Variants in STAG2 observed in about 807,000 individuals in gnomAD.
STAG2 encodes the protein cohesin subunit SA-2.
Under a neutral mutation model 108.1 loss-of-function variants are expected in STAG2, and 14 were observed. That is an observed-to-expected ratio of 0.13 (90% CI 0.09 to 0.20). The LOEUF is 0.20. Ranked by LOEUF, STAG2 falls within the 10% of genes least tolerant of loss-of-function variation. The probability of loss-of-function intolerance (pLI) is 1.00; values close to 1 mark genes in which losing one functional copy is unlikely to be tolerated. For synonymous variants in STAG2, 307 were observed against 302.7 expected, an observed-to-expected ratio of 1.01 and a Z score of -0.15; for missense variants, 440 against 940.9, an observed-to-expected ratio of 0.47 and a Z score of 6.96.
chrX:124,033,275 A>G (rs1466670714), intron 5 of STAG2, among the ~76,000 whole-genome samples: 1 of 112,158 alleles, frequency 8.9e-6, no homozygotes, highest in African/African-American at 3.2e-5. Context: ...TTCTCTCTCT[A>G]GTTCTCCTTT....
rs769758884 is a variant in STAG2 at position 123,971,725 on chromosome X, G to T, written c.-163+9869G>T. On this transcript the variant is annotated intron_variant, in intron 1 of 34. Transcript: ENST00000371145. ...CTCTAAGATAACGACATCTGAGTTTGTTTTCCGTATGTATTATTCAGGTTC... is the reference window on the plus strand; with the variant it reads ...CTCTAAGATAACGACATCTGAGTTTTTTTTCCGTATGTATTATTCAGGTTC... Among the ~76,000 whole-genome samples, 3 of 111,607 alleles carry T rather than the reference G, an allele frequency of 2.7e-5. No individual in the cohort carries two copies. In the South Asian group the frequency reaches 1.1e-3, roughly 41 times the overall value.
At chrX:124,018,449 GA>G (rs1347229959) in intron 1 of STAG2, among the ~76,000 whole-genome samples, 1 of 12,998 alleles carries the variant, frequency 7.7e-5, no homozygotes, top group Non-Finnish European at 1.8e-4. Context: ...AAACACATTG[GA>G]TGGATGGATG....
chrX:123,987,544 G>A (rs911567991), intron 1 of STAG2, among the ~76,000 whole-genome samples: 4 of 111,965 alleles, frequency 3.6e-5, no homozygotes, highest in African/African-American at 1.3e-4. Flanking sequence ...CACCATGCCC[G>A]GCCTTTAAAT....
At chrX:124,049,370 TAG>T (rs1424573230) in intron 10 of STAG2, among the ~76,000 whole-genome samples, 66 of 111,930 alleles carry the variant, frequency 5.9e-4, no homozygotes, top group Non-Finnish European at 9.8e-4. Flanking sequence ...TGCACTATGT[TAG>T]TAGAGCCTGC....
chrX:123,964,867 C>T (rs2054020588), intron 1 of STAG2, among the ~76,000 whole-genome samples: 1 of 110,119 alleles, frequency 9.1e-6, no homozygotes, highest in Admixed American at 9.7e-5. Context: ...GACCATTACC[C>T]GTAAACAGTA....
At chrX:124,038,515 GATTT>G (rs968275767) in intron 6 of STAG2, among the ~76,000 whole-genome samples, 18 of 110,691 alleles carry the variant, frequency 1.6e-4, no homozygotes, top group Non-Finnish European at 3.0e-4. Flanking sequence ...GGTAAAGAAT[GATTT>G]ATTTAAACAA....
intron 1 of STAG2, among the ~76,000 whole-genome samples, chrX:124,013,443 A>G (rs1174307628): frequency 1.8e-5 from 2 of 111,527 alleles, no homozygotes; most frequent in Admixed American, 1.9e-4. Context: ...ATTATTAGCT[A>G]TTGACCTTGG....
At chrX:124,080,310 C>T (rs1434189821) in intron 27 of STAG2, among the ~76,000 whole-genome samples, 2 of 111,424 alleles carry the variant, frequency 1.8e-5, no homozygotes, top group Non-Finnish European at 1.9e-5. Context: ...CCATTCTGTT[C>T]TCTGCTTCTA....
At chrX:124,071,521 A>C (rs745669973) in intron 25 of STAG2, among the ~76,000 whole-genome samples, 198 bp downstream of exon 25, 1 of 111,719 alleles carries the variant, frequency 9.0e-6, no homozygotes, top group African/African-American at 3.2e-5. Flanking sequence ...TAGGCTTTCA[A>C]GTCAGATCGC....
chrX:123,976,997 A>G (rs2054650502), intron 1 of STAG2, among the ~76,000 whole-genome samples: 2 of 112,238 alleles, frequency 1.8e-5, no homozygotes, highest in African/African-American at 6.5e-5. Context: ...AGTGGTCAGG[A>G]ACCTTTTGGG....
chrX:124,057,363 A>G (rs1212161228), intron 14 of STAG2, among the ~76,000 whole-genome samples: 2 of 112,108 alleles, frequency 1.8e-5, no homozygotes, highest in South Asian at 3.7e-4. Flanking sequence ...CATTTACACT[A>G]CAGTTTTCTA....
intron 1 of STAG2, among the ~76,000 whole-genome samples, chrX:123,971,120 G>A (rs2054334506): frequency 8.9e-6 from 1 of 112,055 alleles, no homozygotes; most frequent in African/African-American, 3.2e-5. Context: ...TTAGTAAGCG[G>A]TAAGAAGGGA....
At chrX:124,053,442 A>G (rs866988291) in intron 13 of STAG2, among the ~76,000 whole-genome samples, 1 of 110,655 alleles carries the variant, frequency 9.0e-6, no homozygotes, top group Non-Finnish European at 1.9e-5. Flanking sequence ...TGTAAATAGT[A>G]AAGGCAAAGG....
rs199881082 is a variant in STAG2, at chrX:123,983,974, C to CTTTTT, written c.-163+22135_-163+22139dup. Among the ~76,000 whole-genome samples the CTTTTT allele has an allele frequency of 5.8e-3, 353 of 61,196 alleles. 1 individual carries two copies. The highest frequency in any genetic ancestry group is 7.1e-3 in the Non-Finnish European group (256 of 36,140). 53.1% of individuals were successfully genotyped at this position (61,196 alleles called of 115,157 possible). On this transcript the variant is annotated intron_variant, in intron 1 of 34. Coordinates refer to ENST00000371145, the MANE Select transcript of STAG2 (RefSeq NM_001042750.2). ...AAAAAGAATAATTTTCTTTTCTTTT[C>CTTTTT]TTTTTTTTTTTTTTTTTTTTTGAGA...
In STAG2 at chrX:124,102,066, T is replaced by G. The variant is rs1474381360; in HGVS notation, c.*1469T>G. ...GTGAATACCAAAAGGCTTTCAGTTTTTAGTCAGAAATCAAGCATTGGGCTG... is the reference window on the plus strand; with the variant it reads ...GTGAATACCAAAAGGCTTTCAGTTTGTAGTCAGAAATCAAGCATTGGGCTG... On this transcript the variant is annotated 3_prime_UTR_variant, in exon 35 of 35. Transcript: ENST00000371145. 6.2e-6 allele frequency: 1 copy of G among 160,012 alleles called. No homozygotes were observed. Among genetic ancestry groups the G allele is most frequent in the Non-Finnish European group, 1.2e-5 (1 of 82,176 alleles). The allele number at this position is 160,012 out of a possible 1,213,427, so 13.2% of individuals were successfully genotyped here. A position where few individuals can be genotyped will look rare whatever the true frequency, so the allele number is the denominator to read the frequency against.
At chrX:123,990,569 G>C (rs1391762148) in intron 1 of STAG2, among the ~76,000 whole-genome samples, 1 of 111,654 alleles carries the variant, frequency 9.0e-6, no homozygotes, top group East Asian at 2.8e-4. Context: ...TCAGAGTTGT[G>C]TTTAAGATGC....
intron 27 of STAG2, among the ~76,000 whole-genome samples, chrX:124,079,479 T>C (rs2058895724): frequency 9.0e-6 from 1 of 111,247 alleles, no homozygotes; most frequent in Admixed American, 9.4e-5. Flanking sequence ...GAATTTTCTC[T>C]ATTAAAATTA....
chrX:124,045,911 C>G (rs2057861645), intron 8 of STAG2, among the ~76,000 whole-genome samples: 1 of 110,754 alleles, frequency 9.0e-6, no homozygotes, highest in Non-Finnish European at 1.9e-5. Flanking sequence ...CTAGATGATG[C>G]CTGTTCTTTC....
At chrX:124,069,028 C>T (rs2058604045) in intron 24 of STAG2, among the ~76,000 whole-genome samples, 1 of 111,656 alleles carries the variant, frequency 9.0e-6, no homozygotes, top group Non-Finnish European at 1.9e-5. Context: ...TTTGTTATCT[C>T]TGAGAGTATC....
Sources: allele counts gnomAD v4.1 joint callset (sites outside exome capture counted in the v4.1 genomes callset), GRCh38; gene constraint gnomAD v4.1.1; transcripts MANE v1.5; gene names NCBI Gene and HGNC (gene_info 2026-07-23, HGNC 2026-07-21).